Variants in TLR4 observed in about 807,000 individuals in gnomAD.
The protein encoded by TLR4 is toll-like receptor 4.
In TLR4, 17 loss-of-function variants were observed where a neutral mutation model predicts 27.4. The observed-to-expected ratio is 0.62, with a 90% CI of 0.42 to 0.93. TLR4 has a LOEUF of 0.93. Among genes scored for constraint, TLR4 ranks in the 40% least tolerant of loss-of-function variants. TLR4 has a pLI of 0.00. For synonymous variants in TLR4, 363 were observed against 365.7 expected (o/e 0.99, Z 0.08); for missense variants, 926 against 962.3 (o/e 0.96, Z 0.50).
chr9:117,720,985 G>C lies in TLR4; in HGVS notation c.*6337G>C, dbSNP rs1829416482. 1 of 152,082 alleles carries C rather than the reference G, an allele frequency of 6.6e-6. No homozygotes were observed. 9.4% of individuals were successfully genotyped at this position (152,082 alleles called of 1,614,324 possible). A position where few individuals can be genotyped will look rare whatever the true frequency, so the allele number is the denominator to read the frequency against. On this transcript the variant is annotated 3_prime_UTR_variant, in exon 3 of 3. Coordinates refer to ENST00000355622, the MANE Select transcript of TLR4 (RefSeq NM_138554.5). Reference sequence around the variant, plus strand: ...AGGAGACACTATATAAAAATATAGAGTTAAAAAAACTATTTAAAAAAAAGA... The same window carrying C: ...AGGAGACACTATATAAAAATATAGACTTAAAAAAACTATTTAAAAAAAAGA...
Position 117,719,166 on chromosome 9 carries a change from A to G in TLR4, c.*4518A>G, listed in dbSNP as rs986186891. The G allele has an allele frequency of 6.6e-6, 1 of 152,260 alleles. No homozygotes were observed. Among genetic ancestry groups the G allele is most frequent in the Non-Finnish European group, 1.5e-5 (1 of 68,046 alleles). 9.4% of individuals were successfully genotyped at this position (152,260 alleles called of 1,614,324 possible). ...CCTTGTTGGCAGACCTCACTTGGTT[A>G]AAATGATAATGTTGATAGTTACAAT... is the stretch of plus-strand genomic sequence containing the variant. On this transcript the variant is annotated 3_prime_UTR_variant, in exon 3 of 3. Coordinates refer to ENST00000355622, the MANE Select transcript of TLR4 (RefSeq NM_138554.5).
In TLR4 at chr9:117,715,185, A is replaced by G. The variant is rs1196856769; in HGVS notation, c.*537A>G. The stretch of plus-strand genomic sequence containing the variant: ...GGTTAAAGTCTAGTGGCTAATTCCT[A>G]AGGAAACCTGATTAACACATGCTCA... On this transcript the variant is annotated 3_prime_UTR_variant, in exon 3 of 3. Transcript: ENST00000355622. The G allele has an allele frequency of 1.2e-5, 2 of 160,628 alleles. No homozygotes were observed. The highest frequency in any genetic ancestry group is 4.8e-5 in the African/African-American group (2 of 41,462). The allele number at this position is 160,628 out of a possible 1,614,324, so 10.0% of individuals were successfully genotyped here.
rs375569476 is a variant in TLR4, at chr9:117,712,395, A to G, written c.267A>G (p.Glu89=). The G allele has an allele frequency of 2.5e-5, 41 of 1,613,606 alleles. No individual in the cohort carries two copies. Among genetic ancestry groups the G allele is most frequent in the Admixed American group, 6.7e-5 (4 of 59,946 alleles). Residue 89 remains glutamate (E), a synonymous_variant, in exon 3 of 3, where the codon GAA becomes GAG. Coordinates refer to ENST00000355622, the MANE Select transcript of TLR4 (RefSeq NM_138554.5). ...ELQVLDLSRC[E]IQTIEDGAYQ... is the part of the protein sequence containing the mutation. ...TGTCTTTTTATTCCTGTAGGTGTGA[A>G]ATCCAGACAATTGAAGATGGGGCAT...
In TLR4 at chr9:117,704,424, C is replaced by A. The variant is rs1376061481; in HGVS notation, c.-49C>A. On this transcript the variant is annotated 5_prime_UTR_variant, in exon 1 of 3. Transcript: ENST00000355622. ...GGTCAGACGGTGATAGCGAGCCACG[C>A]ATTCACAGGGCCACTGCTGCTCACA... 6 of 1,552,208 alleles carry A rather than the reference C, an allele frequency of 3.9e-6. No homozygotes were observed. The South Asian group carries it at 4.4e-5, about 12-fold the overall frequency.
At position 117,720,052 on chromosome 9, in the gene TLR4, GC is replaced by G. The variant is rs1167514813; in HGVS notation, c.*5405del. 1 of 152,024 alleles carries G rather than the reference GC, an allele frequency of 6.6e-6. No homozygotes were observed. Among genetic ancestry groups the G allele is most frequent in the Non-Finnish European group, 1.5e-5 (1 of 67,996 alleles). The allele number at this position is 152,024 out of a possible 1,614,324, so 9.4% of individuals were successfully genotyped here. On this transcript the variant is annotated 3_prime_UTR_variant, in exon 3 of 3. Coordinates refer to ENST00000355622, the MANE Select transcript of TLR4 (RefSeq NM_138554.5). ...TTCTGTATTTTTTTTAAGTTGCTAA[GC>G]TTTTGGTGCATGTCTGGCACCGTTT...
In TLR4 at chr9:117,712,705, A is replaced by C; in HGVS notation, c.577A>C (p.Thr193Pro). 1 of 1,614,162 alleles carries C rather than the reference A, an allele frequency of 6.2e-7. No homozygotes were observed. The highest frequency in any genetic ancestry group is 8.5e-7 in the Non-Finnish European group (1 of 1,180,010). ...CAACAAGATTCAAAGTATTTATTGC[A>C]CAGACTTGCGGGTTCTACATCAAAT... ...SSNKIQSIYC[T>P]DLRVLHQMPL... The change falls in exon 3 of 3, where the codon ACA becomes CCA. Residue 193 changes from threonine to proline, a missense_variant. Coordinates refer to ENST00000355622, the MANE Select transcript of TLR4 (RefSeq NM_138554.5).
chr9:117,712,733 C>A lies in TLR4; in HGVS notation c.605C>A (p.Pro202His), dbSNP rs1564265446. The change falls in exon 3 of 3, where the codon CCC (proline) becomes CAC (histidine). Residue 202 changes from proline to histidine, a missense_variant. Pro to His is a moderately conservative substitution (Grantham distance 77, BLOSUM62 -2). Transcript: ENST00000355622. The part of the protein sequence containing the change: ...CTDLRVLHQM[P>H]LLNLSLDLSL... ...GACTTGCGGGTTCTACATCAAATGC[C>A]CCTACTCAATCTCTCTTTAGACCTG... 1 of 1,614,018 alleles carries A rather than the reference C, an allele frequency of 6.2e-7. No individual in the cohort carries two copies. Among genetic ancestry groups the A allele is most frequent in the East Asian group, 2.2e-5 (1 of 44,860 alleles).
At chr9:117,708,077 A>T in intron 1 of TLR4, 2 of 492,164 alleles carry the variant, frequency 4.1e-6, no homozygotes, top group Non-Finnish European at 5.3e-6. Context: ...TTCCAATTTT[A>T]GTGTATGTGC....
rs976771495 is a variant in TLR4, at chr9:117,720,366, G to A, written c.*5718G>A. 2.0e-5 allele frequency: 3 copies of A among 152,142 alleles called. No homozygotes were observed. Among genetic ancestry groups the A allele is most frequent in the Non-Finnish European group, 4.4e-5 (3 of 68,020 alleles). The allele number at this position is 152,142 out of a possible 1,614,324, so 9.4% of individuals were successfully genotyped here. On this transcript the variant is annotated 3_prime_UTR_variant, in exon 3 of 3. Coordinates refer to ENST00000355622, the MANE Select transcript of TLR4 (RefSeq NM_138554.5). The stretch of plus-strand genomic sequence containing the variant: ...CTCCCATGCCATCTAGAAATTAAAA[G>A]TTTAAAAGGCAGAGTCTGCAACTCT...
In TLR4 at chr9:117,714,731, C is replaced by A; in HGVS notation, c.*83C>A. 1 of 1,204,374 alleles carries A rather than the reference C, an allele frequency of 8.3e-7. No individual in the cohort carries two copies. Among genetic ancestry groups the A allele is most frequent in the South Asian group, 1.2e-5 (1 of 80,866 alleles). 74.6% of individuals were successfully genotyped at this position (1,204,374 alleles called of 1,614,324 possible). A position where few individuals can be genotyped will look rare whatever the true frequency, so the allele number is the denominator to read the frequency against. ...TCAGTTAATAAGTATTAAATGCTGCCACATGTCAGGCCTTATGCTAAGGGT... is the reference window on the plus strand; with the variant it reads ...TCAGTTAATAAGTATTAAATGCTGCAACATGTCAGGCCTTATGCTAAGGGT... On this transcript the variant is annotated 3_prime_UTR_variant, in exon 3 of 3. Transcript: ENST00000355622.
rs140816474 is a variant in TLR4 at position 117,714,104 on chromosome 9, T to C, written c.1976T>C (p.Met659Thr). The stretch of plus-strand genomic sequence containing the variant: ...GTCTATAAGTTCTATTTTCACCTGA[T>C]GCTTCTTGCTGGCTGCATAAAGTAT... ...VLVYKFYFHL[M>T]LLAGCIKYGR... is the part of the protein sequence containing the mutation. Residue 659 changes from methionine (M) to threonine (T), a missense_variant, in exon 3 of 3, where the codon ATG becomes ACG. By Grantham distance (81) the Met-to-Thr change is moderately conservative. Transcript: ENST00000355622. The C allele has an allele frequency of 6.1e-5, 99 of 1,614,136 alleles. No homozygotes were observed. In the African/African-American group the frequency reaches 8.0e-4, roughly 13 times the overall value.
Position 117,713,671 on chromosome 9 carries a change from G to A in TLR4, c.1543G>A (p.Ala515Thr), listed in dbSNP as rs758677590. 4 of 1,613,894 alleles carry A rather than the reference G, an allele frequency of 2.5e-6. No individual in the cohort carries two copies. Among genetic ancestry groups the A allele is most frequent in the Non-Finnish European group, 3.4e-6 (4 of 1,180,024 alleles). The change falls in exon 3 of 3, where the codon GCA (alanine) becomes ACA (threonine). Residue 515 changes from alanine (A) to threonine (T), a missense_variant. Ala to Thr is a moderately conservative substitution (Grantham distance 58). Coordinates refer to ENST00000355622, the MANE Select transcript of TLR4 (RefSeq NM_138554.5). The part of the protein sequence containing the change: ...QCQLEQLSPT[A>T]FNSLSSLQVL... Reference sequence around the variant, plus strand: ...TCAACTGGAGCAGTTGTCTCCAACAGCATTTAACTCACTCTCCAGTCTTCA... The same window carrying A: ...TCAACTGGAGCAGTTGTCTCCAACAACATTTAACTCACTCTCCAGTCTTCA...
chr9:117,710,139 G>A lies in TLR4; in HGVS notation c.260+1410G>A, dbSNP rs1364405931. ...TGGTTATATTGCGTAATGCTGAGGT[G>A]TAGGGTACAATCGATACCATCACTC... On this transcript the variant is annotated intron_variant, in intron 2 of 2. Transcript: ENST00000355622. Among the ~76,000 whole-genome samples, 4 of 152,170 alleles carry A rather than the reference G, an allele frequency of 2.6e-5. No individual in the cohort carries two copies. In the East Asian group the frequency reaches 5.8e-4, roughly 22 times the overall value.
chr9:117,712,862 C>G lies in TLR4; in HGVS notation c.734C>G (p.Thr245Ser). Reference protein sequence around the residue: ...NNFDSLNVMKTCIQGLAGLEV... With the variant: ...NNFDSLNVMKSCIQGLAGLEV... The stretch of plus-strand genomic sequence containing the variant: ...TTTGATAGTTTAAATGTAATGAAAA[C>G]TTGTATTCAAGGTCTGGCTGGTTTA... The change falls in exon 3 of 3, where the codon ACT becomes AGT. Residue 245 changes from threonine (T) to serine (S), a missense_variant. Thr to Ser is a moderately conservative substitution (Grantham distance 58). Coordinates refer to ENST00000355622, the MANE Select transcript of TLR4 (RefSeq NM_138554.5). The G allele has an allele frequency of 6.2e-7, 1 of 1,613,988 alleles. No homozygotes were observed. The highest frequency in any genetic ancestry group is 8.5e-7 in the Non-Finnish European group (1 of 1,179,972).
chr9:117,714,427 A>G lies in TLR4; in HGVS notation c.2299A>G (p.Ile767Val), dbSNP rs1252203165. 2 of 1,613,728 alleles carry G rather than the reference A, an allele frequency of 1.2e-6. No homozygotes were observed. Among genetic ancestry groups the G allele is most frequent in the African/African-American group, 2.7e-5 (2 of 74,920 alleles). Residue 767 changes from isoleucine to valine, a missense_variant, in exon 3 of 3, where the codon ATC becomes GTC. By Grantham distance (29) the Ile-to-Val change is conservative. Coordinates refer to ENST00000355622, the MANE Select transcript of TLR4 (RefSeq NM_138554.5). ...GTTTCTGAGCAGTCGTGCTGGTATCATCTTCATTGTCCTGCAGAAGGTGGA... is the reference window on the plus strand; with the variant it reads ...GTTTCTGAGCAGTCGTGCTGGTATCGTCTTCATTGTCCTGCAGAAGGTGGA... The part of the protein sequence containing the change: ...WQFLSSRAGI[I>V]FIVLQKVEKT...
chr9:117,713,010 C>T lies in TLR4; in HGVS notation c.882C>T (p.Asp294=). The T allele has an allele frequency of 2.5e-6, 4 of 1,614,068 alleles. No homozygotes were observed. Among genetic ancestry groups the T allele is most frequent in the Non-Finnish European group, 3.4e-6 (4 of 1,179,958 alleles). ...AAGAATTCCGATTAGCATACTTAGA[C>T]TACTACCTCGATGATATTATTGACT... The part of the protein sequence containing the change: ...TIEEFRLAYL[D]YYLDDIIDLF... The change falls in exon 3 of 3, where the codon GAC becomes GAT. Residue 294 remains aspartate, a synonymous_variant. Transcript: ENST00000355622.
rs373596373 is a variant in TLR4 at position 117,713,094 on chromosome 9, G to A, written c.966G>A (p.Arg322=). The A allele has an allele frequency of 3.7e-6, 6 of 1,612,486 alleles. No homozygotes were observed. The African/African-American group carries it at 6.7e-5, about 18-fold the overall frequency. ...SFSLVSVTIE[R]VKDFSYNFGW... is the part of the protein sequence containing the mutation. Reference sequence around the variant, plus strand: ...CCCTGGTGAGTGTGACTATTGAAAGGGTAAAAGACTTTTCTTATAATTTCG... The same window carrying A: ...CCCTGGTGAGTGTGACTATTGAAAGAGTAAAAGACTTTTCTTATAATTTCG... The change falls in exon 3 of 3, where the codon AGG becomes AGA. Residue 322 remains arginine (R), a synonymous_variant. Coordinates refer to ENST00000355622, the MANE Select transcript of TLR4 (RefSeq NM_138554.5).
chr9:117,719,244 TCA>T lies in TLR4; in HGVS notation c.*4597_*4598del, dbSNP rs1491391779. On this transcript the variant is annotated 3_prime_UTR_variant, in exon 3 of 3. Coordinates refer to ENST00000355622, the MANE Select transcript of TLR4 (RefSeq NM_138554.5). Reference sequence around the variant, plus strand: ...ATGCAAGGGCTTTATTTGTGCTATCTCAGTTTGTCACATCAATGAATTAGAAA... The same window carrying T: ...ATGCAAGGGCTTTATTTGTGCTATCTGTTTGTCACATCAATGAATTAGAAA... 7 of 147,540 alleles carry T rather than the reference TCA, an allele frequency of 4.7e-5. No homozygotes were observed. Among genetic ancestry groups the T allele is most frequent in the Admixed American group, 6.7e-5 (1 of 14,902 alleles). 9.1% of individuals were successfully genotyped at this position (147,540 alleles called of 1,614,324 possible).
In TLR4 at chr9:117,719,493, T is replaced by C. The variant is rs573729440; in HGVS notation, c.*4845T>C. The C allele has an allele frequency of 1.3e-5, 2 of 152,310 alleles. No homozygotes were observed. The highest frequency in any genetic ancestry group is 6.5e-5 in the Admixed American group (1 of 15,290). The allele number at this position is 152,310 out of a possible 1,614,324, so 9.4% of individuals were successfully genotyped here. On this transcript the variant is annotated 3_prime_UTR_variant, in exon 3 of 3. Transcript: ENST00000355622. Reference sequence around the variant, plus strand: ...CTCACCATTATAATTTTGACTGATATTAAACAAAGAGAAGTATTATTATTA... The same window carrying C: ...CTCACCATTATAATTTTGACTGATACTAAACAAAGAGAAGTATTATTATTA...
Sources: gnomAD v4.1 joint callset for allele counts (sites outside exome capture counted in the v4.1 genomes callset) on GRCh38, gnomAD v4.1.1 for gene constraint, MANE v1.5 for transcripts, NCBI Gene and HGNC (gene_info 2026-07-23, HGNC 2026-07-21) for gene names.